SYNM: variants seen among roughly 807,000 people sequenced by gnomAD.
The protein encoded by SYNM is synemin.
Under a neutral mutation model 104.0 loss-of-function variants are expected in SYNM, and 95 were observed. The ratio of observed to expected loss-of-function variants is 0.91; its 90% CI spans 0.77 to 1.08. The LOEUF is 1.08. SYNM is among the 50% of genes least tolerant of loss of function. The pLI is 0.00. For missense variants in SYNM, 2,150 were observed against 2,052.2 expected (o/e 1.05, Z -0.92); for synonymous variants, 918 against 869.0 (o/e 1.06, Z -0.99).
Position 99,105,959 on chromosome 15 carries a change from G to A in SYNM, c.760G>A (p.Ala254Thr). The A allele has an allele frequency of 2.0e-6, 3 of 1,518,048 alleles. No individual in the cohort carries two copies. Among genetic ancestry groups the A allele is most frequent in the Non-Finnish European group, 2.6e-6 (3 of 1,139,294 alleles). The allele number at this position is 1,518,048 out of a possible 1,614,324, so 94.0% of individuals were successfully genotyped here. A position where few individuals can be genotyped will look rare whatever the true frequency, so the allele number is the denominator to read the frequency against. ...LEQLRARLEDALLRMREEYGI... is the reference protein window; with the variant it reads ...LEQLRARLEDTLLRMREEYGI... ...GCAGCTGCGCGCGCGGCTGGAGGAC[G>A]CGCTGCTGCGGATGCGCGAGGAGTA... Residue 254 changes from alanine to threonine, a missense_variant, in exon 1 of 4, where the codon GCG becomes ACG. Transcript: ENST00000336292.
intron 2 of SYNM, among the ~76,000 whole-genome samples, chr15:99,118,220 A>G (rs992083624): frequency 1.3e-5 from 2 of 152,198 alleles, no homozygotes; most frequent in African/African-American, 4.8e-5. Context: ...CATTTTTGAA[A>G]ATCACCAGTG....
At chr15:99,111,786 T>A (rs1296209763) in intron 1 of SYNM, among the ~76,000 whole-genome samples, 4 of 152,270 alleles carry the variant, frequency 2.6e-5, no homozygotes, top group Non-Finnish European at 5.9e-5. Flanking sequence ...GGCTTGTGCC[T>A]ATAATCCCAG....
chr15:99,124,431 G>A (rs2067429418), intron 2 of SYNM, among the ~76,000 whole-genome samples: 1 of 152,192 alleles, frequency 6.6e-6, no homozygotes, highest in South Asian at 2.1e-4. Flanking sequence ...TAGTAAAGGT[G>A]ACATGTGTCG....
chr15:99,114,007 G>C (rs564740630), intron 2 of SYNM, among the ~76,000 whole-genome samples: 2 of 130,806 alleles, frequency 1.5e-5, no homozygotes, highest in African/African-American at 5.7e-5. Flanking sequence ...ACATGTCAAC[G>C]TGTTGGATCC....
intron 1 of SYNM, among the ~76,000 whole-genome samples, chr15:99,110,120 C>T (rs2067288302): frequency 6.6e-6 from 1 of 152,186 alleles, no homozygotes; most frequent in African/African-American, 2.4e-5. Context: ...CATTTGCTGC[C>T]AGATTGAATG....
chr15:99,127,319 G>C (rs260090), intron 3 of SYNM, among the ~76,000 whole-genome samples: 41,189 of 152,036 alleles, frequency 0.27, 6,063 homozygotes, highest in African/African-American at 0.39. Context: ...CTACCTTATT[G>C]AGGCCAAGAG....
intron 1 of SYNM, among the ~76,000 whole-genome samples, chr15:99,113,087 G>A (rs1263556175): frequency 6.6e-6 from 1 of 152,230 alleles, no homozygotes; most frequent in African/African-American, 2.4e-5. Context: ...TGATCTTAAA[G>A]TAGCTTTTCT....
chr15:99,139,288 T>C (rs76801174), downstream of SYNM: 73 of 941,882 alleles, frequency 7.8e-5, no homozygotes, highest in East Asian at 1.7e-3. Flanking sequence ...GGGAATGAGA[T>C]AGAGAAAGTG....
rs960275934 is a variant in SYNM, at chr15:99,130,508, G to C, written c.2148G>C (p.Gly716=). The C allele has an allele frequency of 1.9e-6, 3 of 1,613,774 alleles. No individual in the cohort carries two copies. The highest frequency in any genetic ancestry group is 1.7e-5 in the Admixed American group (1 of 59,990). Residue 716 remains glycine (G), a synonymous_variant, in exon 4 of 4, where the codon GGG becomes GGC. Coordinates refer to ENST00000336292, the MANE Select transcript of SYNM (RefSeq NM_145728.3). ...TAAGCAAGGATATTAAGGAAGTGGG[G>C]CTGAAAGGCAAGTCAGCCGAGCAGA... ...YLLSKDIKEV[G]LKGKSAEQMI...
At position 99,133,147 on chromosome 15, in the gene SYNM, C is replaced by T. The variant is rs2067531366; in HGVS notation, c.*89C>T. On this transcript the variant is annotated 3_prime_UTR_variant, in exon 4 of 4. Coordinates refer to ENST00000336292, the MANE Select transcript of SYNM (RefSeq NM_145728.3). ...ACTTATTTTAAGAGGCCGAGGGAGT[C>T]TATGAAAATCTCCCCTTTTTTACTT... The T allele has an allele frequency of 6.5e-7, 1 of 1,534,992 alleles. No homozygotes were observed. The highest frequency in any genetic ancestry group is 8.7e-7 in the Non-Finnish European group (1 of 1,150,556).
chr15:99,126,549 G>A (rs966457507), intron 2 of SYNM, among the ~76,000 whole-genome samples, 173 bp from the exon 3 acceptor site: 1 of 152,254 alleles, frequency 6.6e-6, no homozygotes, highest in East Asian at 1.9e-4. Flanking sequence ...GCTGAGGCTG[G>A]TGGGTGGGCT....
chr15:99,110,500 G>T (rs926603069), intron 1 of SYNM, among the ~76,000 whole-genome samples: 7 of 152,120 alleles, frequency 4.6e-5, no homozygotes, highest in Non-Finnish European at 5.9e-5. Context: ...TAAATACTTC[G>T]TCGGCATCCA....
rs773508196 is a variant in SYNM at position 99,135,229 on chromosome 15, CAT to C, written c.*2172_*2173del. The C allele has an allele frequency of 6.6e-6, 1 of 152,666 alleles. No homozygotes were observed. The highest frequency in any genetic ancestry group is 1.5e-5 in the Non-Finnish European group (1 of 68,040). The allele number at this position is 152,666 out of a possible 1,614,324, so 9.5% of individuals were successfully genotyped here. The stretch of plus-strand genomic sequence containing the variant: ...CCAAAAGTATTTACAAGTATGGACT[CAT>C]GAGCTATTGTTGGTTGCTAAATGTG... On this transcript the variant is annotated 3_prime_UTR_variant, in exon 4 of 4. Transcript: ENST00000336292.
chr15:99,106,171 G>A (rs2067241305), intron 1 of SYNM, among the ~76,000 whole-genome samples, 162 bp downstream of exon 1: 1 of 152,140 alleles, frequency 6.6e-6, no homozygotes, highest in Admixed American at 6.5e-5. Flanking sequence ...ACCCGGACTC[G>A]GTCCGCTGGT....
Position 99,132,821 on chromosome 15 carries a change from T to A in SYNM, c.4461T>A (p.Arg1487=). The change falls in exon 4 of 4, where the codon CGT becomes CGA. Residue 1487 remains arginine, a synonymous_variant. Transcript: ENST00000336292. ...CGGGAGCTCTCGGTGTGTCTGACCG[T>A]GGTTCCTGGAGAGACGCGGACAGTA... ...QEAGALGVSD[R]GSWRDADSRN... 1 of 1,613,152 alleles carries A rather than the reference T, an allele frequency of 6.2e-7. No individual in the cohort carries two copies. Among genetic ancestry groups the A allele is most frequent in the African/African-American group, 1.3e-5 (1 of 74,758 alleles).
chr15:99,132,377 A>G lies in SYNM; in HGVS notation c.4017A>G (p.Ser1339=). 1 of 1,613,382 alleles carries G rather than the reference A, an allele frequency of 6.2e-7. No individual in the cohort carries two copies. The change falls in exon 4 of 4, where the codon TCA becomes TCG. Residue 1339 remains serine (S), a synonymous_variant. Coordinates refer to ENST00000336292, the MANE Select transcript of SYNM (RefSeq NM_145728.3). ...LVPQLGESGD[S]ESTVHGEGSA... Reference sequence around the variant, plus strand: ...CCCAACTGGGGGAATCTGGTGACTCAGAGAGCACTGTGCACGGAGAGGGCT... The same window carrying G: ...CCCAACTGGGGGAATCTGGTGACTCGGAGAGCACTGTGCACGGAGAGGGCT...
intron 3 of SYNM, among the ~76,000 whole-genome samples, chr15:99,127,452 A>G (rs782474820): frequency 1.3e-5 from 2 of 152,206 alleles, no homozygotes; most frequent in Non-Finnish European, 2.9e-5. Context: ...GCCCTATAGA[A>G]TCTTGAAGAG....
At chr15:99,137,795 A>G, downstream of SYNM, 1 of 679,154 alleles carries the variant, frequency 1.5e-6, no homozygotes, top group Non-Finnish European at 2.3e-6. Context: ...GTGATAGAAA[A>G]CTGCTTTATA....
At chr15:99,106,038 C>G (rs1010052615) in intron 1 of SYNM, 29 bp downstream of exon 1, 3 of 1,411,042 alleles carry the variant, frequency 2.1e-6, no homozygotes, top group Non-Finnish European at 2.8e-6. Context: ...CGCGCTGACC[C>G]CATACCCGCT....
Sources: allele counts gnomAD v4.1 joint callset (sites outside exome capture counted in the v4.1 genomes callset), GRCh38; gene constraint gnomAD v4.1.1; transcripts MANE v1.5; gene names NCBI Gene and HGNC (gene_info 2026-07-23, HGNC 2026-07-21).